The following GALNT6 variants were observed in gnomAD, a reference collection of about 807,000 sequenced individuals.
GALNT6 encodes polypeptide N-acetylgalactosaminyltransferase 6, also known as GalNAc transferase 6.
Under a neutral mutation model 65.9 loss-of-function variants are expected in GALNT6, and 51 were observed. The observed-to-expected ratio is 0.77, with a 90% CI of 0.62 to 0.98. GALNT6 has a LOEUF of 0.98. GALNT6 is among the 50% of genes least tolerant of loss of function. The pLI, the probability that GALNT6 is intolerant of heterozygous loss-of-function variation, is 0.00. For synonymous variants in GALNT6, 323 were observed against 315.1 expected (o/e 1.02, Z -0.26); for missense variants, 708 against 803.3 (o/e 0.88, Z 1.43).
chr12:51,370,851 T>C (rs1435403071), intron 4 of GALNT6, among the ~76,000 whole-genome samples: 1 of 151,824 alleles, frequency 6.6e-6, no homozygotes, highest in Admixed American at 6.6e-5. Context: ...TGAGACCCCA[T>C]CTTATTAAAA....
intron 3 of GALNT6, 117 bp from the exon 4 acceptor site, chr12:51,377,484 C>T (rs1467753813): frequency 3.8e-6 from 3 of 790,012 alleles, no homozygotes; most frequent in Non-Finnish European, 6.4e-6. Flanking sequence ...CCACAGCCTA[C>T]ATTCTCTATA....
intron 4 of GALNT6, among the ~76,000 whole-genome samples, chr12:51,374,410 G>T (rs1314385154): frequency 2.6e-5 from 4 of 152,284 alleles, no homozygotes; most frequent in African/African-American, 7.2e-5. Context: ...GTGCTGCCAA[G>T]TATCTGTCTT....
chr12:51,379,315 AG>A lies in GALNT6; in HGVS notation c.466del (p.Leu156TrpfsTer26). On this transcript the variant is annotated frameshift_variant, in exon 3 of 12. Coordinates refer to ENST00000356317, the MANE Select transcript of GALNT6 (RefSeq NM_007210.4). LOFTEE classifies it high-confidence loss of function. ...CTCAGGTGGTCGGGTGTCTGGCCCC[AG>A]GGACCTCTGCAGGGAGATCCGGTCG... ...ASDRISLQRS[L>X]GPDTRPPECV... The A allele has an allele frequency of 6.6e-7, 1 of 1,524,228 alleles. No homozygotes were observed. Among genetic ancestry groups the A allele is most frequent in the Non-Finnish European group, 8.8e-7 (1 of 1,139,312 alleles). 94.4% of individuals were successfully genotyped at this position (1,524,228 alleles called of 1,614,324 possible).
chr12:51,385,596 A>G (rs1947808617), intron 2 of GALNT6, among the ~76,000 whole-genome samples: 2 of 152,160 alleles, frequency 1.3e-5, no homozygotes, highest in Non-Finnish European at 2.9e-5. Context: ...CCAGTGACAC[A>G]GTCCAAACCC....
chr12:51,378,878 G>GCCCT (rs751422463), intron 3 of GALNT6, among the ~76,000 whole-genome samples: 1 of 119,408 alleles, frequency 8.4e-6, no homozygotes. Context: ...GTTAAGAAAT[G>GCCCT]CCCACCCCCC....
intron 2 of GALNT6, among the ~76,000 whole-genome samples, chr12:51,390,183 A>T (rs1948005266): frequency 6.7e-5 from 2 of 30,062 alleles, no homozygotes. Flanking sequence ...TTTTTTTGAG[A>T]CAGAGTTTTG....
At chr12:51,368,932 T>A (rs1033140737) in intron 4 of GALNT6, among the ~76,000 whole-genome samples, 1 of 152,216 alleles carries the variant, frequency 6.6e-6, no homozygotes, top group Non-Finnish European at 1.5e-5. Context: ...GTCAATGTGC[T>A]GCCAGGTGCC....
chr12:51,357,249 G>C (rs1592311708), intron 10 of GALNT6, 100 bp downstream of exon 10: 2 of 743,906 alleles, frequency 2.7e-6, no homozygotes, highest in Non-Finnish European at 4.8e-6. Context: ...GGGCAGGGAT[G>C]GTATCTCCTC....
Position 51,387,940 on chromosome 12 carries a change from C to T in GALNT6, c.-104+2910G>A, listed in dbSNP as rs899542300. Among the ~76,000 whole-genome samples, 1 of 152,178 alleles carries T rather than the reference C, an allele frequency of 6.6e-6. No homozygotes were observed. The highest frequency in any genetic ancestry group is 6.5e-5 in the Admixed American group (1 of 15,284). On this transcript the variant is annotated intron_variant, in intron 2 of 11. Transcript: ENST00000356317. The surrounding 1 kb of genome is among the most constrained non-coding windows in gnomAD (Gnocchi z 4.2). ...TCATCCCCCAGTCTGCTCTTGGCTGCAGAACTTTCACCCGGGGCCACTGGC... is the reference window on the plus strand; with the variant it reads ...TCATCCCCCAGTCTGCTCTTGGCTGTAGAACTTTCACCCGGGGCCACTGGC...
rs1264596520 is a variant in GALNT6 at position 51,377,347 on chromosome 12, C to T, written c.512G>A (p.Arg171Gln). The part of the protein sequence containing the change: ...RPPECVDQKF[R>Q]RCPPLATTSV... ...GGTGGTGGCCAGTGGGGGGCAGCGCCGGAACTTCTGGTCCACACACCTGGA... is the reference window on the plus strand; with the variant it reads ...GGTGGTGGCCAGTGGGGGGCAGCGCTGGAACTTCTGGTCCACACACCTGGA... Residue 171 changes from arginine to glutamine, a missense_variant, in exon 4 of 12, where the codon CGG becomes CAG. Coordinates refer to ENST00000356317, the MANE Select transcript of GALNT6 (RefSeq NM_007210.4). 1.6e-5 allele frequency: 26 copies of T among 1,612,442 alleles called. No individual in the cohort carries two copies. The highest frequency in any genetic ancestry group is 2.7e-5 in the African/African-American group (2 of 74,858).
At chr12:51,375,070 T>C (rs1337183572) in intron 4 of GALNT6, among the ~76,000 whole-genome samples, 1 of 151,896 alleles carries the variant, frequency 6.6e-6, no homozygotes, top group Non-Finnish European at 1.5e-5. Flanking sequence ...AGAAAAAAGG[T>C]CTTGACATGT....
rs993591174 is a variant in GALNT6 at position 51,353,990 on chromosome 12, T to C, written c.*389A>G. On this transcript the variant is annotated 3_prime_UTR_variant, in exon 12 of 12. Coordinates refer to ENST00000356317, the MANE Select transcript of GALNT6 (RefSeq NM_007210.4). ...GTTGCTCAGGCCGGTCTTGAACTCC[T>C]GGGCTCAAGCCATTCTCCCACATTG... is the stretch of plus-strand genomic sequence containing the variant. 1.6e-4 allele frequency: 27 copies of C among 166,584 alleles called. No homozygotes were observed. The highest frequency in any genetic ancestry group is 2.7e-4 in the Non-Finnish European group (21 of 78,468). 10.3% of individuals were successfully genotyped at this position (166,584 alleles called of 1,614,324 possible).
chr12:51,374,761 C>G (rs1024383761), intron 4 of GALNT6, among the ~76,000 whole-genome samples: 1 of 152,142 alleles, frequency 6.6e-6, no homozygotes, highest in Admixed American at 6.5e-5. Context: ...AGTTCAGGCC[C>G]CATCATCTCC....
At position 51,369,079 on chromosome 12, in the gene GALNT6, C is replaced by T. The variant is rs896261904; in HGVS notation, c.665-3500G>A. Among the ~76,000 whole-genome samples the T allele has an allele frequency of 2.0e-5, 3 of 152,204 alleles. No homozygotes were observed. The East Asian group carries it at 5.8e-4, about 29-fold the overall frequency. ...GCTCCTCAGCATGGCTGCTGTGTTT[C>T]CCCGAGAGCTTGCCCAGCTCTGCGC... On this transcript the variant is annotated intron_variant, in intron 4 of 11. Transcript: ENST00000356317.
chr12:51,386,075 G>A (rs575803563), intron 2 of GALNT6, among the ~76,000 whole-genome samples: 42 of 152,316 alleles, frequency 2.8e-4, no homozygotes, highest in Non-Finnish European at 5.0e-4. Flanking sequence ...ACTAAATGAT[G>A]TTCTGAATGA....
At chr12:51,380,896 T>C (rs1240749539) in intron 2 of GALNT6, among the ~76,000 whole-genome samples, 2 of 152,200 alleles carry the variant, frequency 1.3e-5, no homozygotes, top group Admixed American at 1.3e-4. Flanking sequence ...AGTGTTTTTT[T>C]CTCAAAGTGG....
chr12:51,384,273 C>T (rs1184864162), intron 2 of GALNT6, among the ~76,000 whole-genome samples: 1 of 152,244 alleles, frequency 6.6e-6, no homozygotes, highest in Non-Finnish European at 1.5e-5. Context: ...CTTACCTTCT[C>T]TCACTGGTGT....
intron 2 of GALNT6, 102 bp downstream of exon 2, chr12:51,390,748 G>A (rs1386320397): frequency 6.6e-6 from 1 of 152,346 alleles, no homozygotes; most frequent in Admixed American, 6.5e-5. Flanking sequence ...TCCTTTCTGA[G>A]AGTGCTGCAA....
At chr12:51,376,189 C>A (rs962405264) in intron 4 of GALNT6, among the ~76,000 whole-genome samples, 11 of 152,064 alleles carry the variant, frequency 7.2e-5, no homozygotes, top group Non-Finnish European at 1.3e-4. Context: ...GAAGAGGAAA[C>A]AGGTTCAGGG....
Sources: gnomAD v4.1 joint callset for allele counts (sites outside exome capture counted in the v4.1 genomes callset) on GRCh38, gnomAD v4.1.1 for gene constraint, Gnocchi (gnomAD v3.1) non-coding constraint, MANE v1.5 for transcripts, NCBI Gene and HGNC (gene_info 2026-07-23, HGNC 2026-07-21) for gene names.